Variants in GRM7 observed in about 807,000 individuals in gnomAD.
GRM7 encodes the protein glutamate metabotropic receptor 7.
A neutral mutation model predicts 84.5 loss-of-function variants in GRM7; 35 were observed. The ratio of observed to expected loss-of-function variants is 0.41; its 90% CI spans 0.32 to 0.55. The LOEUF is 0.55. Ranked by LOEUF, GRM7 falls within the 20% of genes least tolerant of loss-of-function variation. GRM7 has a pLI of 0.19. For missense variants in GRM7, 1,003 were observed against 1,194.6 expected (o/e 0.84, Z 2.36); for synonymous variants, 487 against 455.1 (o/e 1.07, Z -0.89).
chr3:7,714,542 C>T (rs1452270841), intron 9 of GRM7, among the ~76,000 whole-genome samples: 1 of 152,162 alleles, frequency 6.6e-6, no homozygotes, highest in African/African-American at 2.4e-5. Context: ...ACTTAGGTTC[C>T]ATTGCAGATT....
At chr3:7,043,876 C>A (rs1442856327) in intron 1 of GRM7, among the ~76,000 whole-genome samples, 1 of 152,184 alleles carries the variant, frequency 6.6e-6, no homozygotes, top group Non-Finnish European at 1.5e-5. Context: ...AGAGGAGTCT[C>A]ACTGTGTTGC....
chr3:7,618,753 T>A (rs1697228137), intron 8 of GRM7, among the ~76,000 whole-genome samples: 1 of 152,094 alleles, frequency 6.6e-6, no homozygotes, highest in Non-Finnish European at 1.5e-5. Flanking sequence ...GCTCACTCCT[T>A]TAGGAGAACA....
chr3:7,132,451 A>G (rs1230965955), intron 1 of GRM7, among the ~76,000 whole-genome samples: 1 of 152,190 alleles, frequency 6.6e-6, no homozygotes, highest in African/African-American at 2.4e-5. Flanking sequence ...AAAAAAAGTC[A>G]TATGCTACTG....
intron 4 of GRM7, among the ~76,000 whole-genome samples, chr3:7,387,053 A>G (rs1329355068): frequency 6.6e-6 from 1 of 152,128 alleles, no homozygotes; most frequent in Non-Finnish European, 1.5e-5. Flanking sequence ...TTTATTGGCC[A>G]TGTTTATGTC....
chr3:7,083,840 G>A (rs1198122029), intron 1 of GRM7, among the ~76,000 whole-genome samples: 1 of 152,134 alleles, frequency 6.6e-6, no homozygotes, highest in East Asian at 1.9e-4. Flanking sequence ...ACTTGAGCAT[G>A]CTGAGGTAAT....
chr3:7,038,149 G>A (rs984345941), intron 1 of GRM7, among the ~76,000 whole-genome samples: 1 of 152,256 alleles, frequency 6.6e-6, no homozygotes, highest in East Asian at 1.9e-4. Context: ...CAACCTCAGC[G>A]ACAAAGCTGA....
chr3:7,593,434 A>G (rs1695886917), intron 8 of GRM7, among the ~76,000 whole-genome samples: 1 of 152,214 alleles, frequency 6.6e-6, no homozygotes. Context: ...TGGAAATCAC[A>G]TTCTATTGAA....
intron 2 of GRM7, among the ~76,000 whole-genome samples, chr3:7,179,947 C>T (rs201088679): frequency 8.5e-5 from 13 of 152,126 alleles, no homozygotes; most frequent in African/African-American, 2.7e-4. Context: ...CTTCCATTAG[C>T]GTATCAGTGA....
intron 5 of GRM7, among the ~76,000 whole-genome samples, chr3:7,434,517 T>A (rs1696962532): frequency 6.6e-6 from 1 of 152,210 alleles, no homozygotes; most frequent in Non-Finnish European, 1.5e-5. Flanking sequence ...GTCAAATGGA[T>A]GAATGTGTCA....
chr3:7,487,250 A>G (rs779731), intron 7 of GRM7, among the ~76,000 whole-genome samples: 33,893 of 152,080 alleles, frequency 0.22, 4,246 homozygotes, highest in Non-Finnish European at 0.27. Context: ...TTAAAGACAA[A>G]GTTTATAATT....
intron 4 of GRM7, among the ~76,000 whole-genome samples, chr3:7,352,725 T>C (rs1693215973): frequency 6.6e-6 from 1 of 152,140 alleles, no homozygotes; most frequent in South Asian, 2.1e-4. Context: ...TGAGTCGTTT[T>C]TGCCTGGGGA....
intron 8 of GRM7, 51 bp from the exon 9 acceptor site, chr3:7,679,998 C>T (rs779485229): frequency 5.7e-6 from 9 of 1,585,036 alleles, no homozygotes; most frequent in Non-Finnish European, 7.8e-6. Context: ...GTTCAGACCC[C>T]TACTGCAGTC....
In GRM7 at chr3:6,952,885, C is replaced by T. The variant is rs570198901; in HGVS notation, c.519+90978C>T. On this transcript the variant is annotated intron_variant, in intron 1 of 9. Coordinates refer to ENST00000357716, the MANE Select transcript of GRM7 (RefSeq NM_000844.4). ...CAACATCCTCGTGGTTAAAATGAAA[C>T]TTTAGGTTTCCCTGTGGATTTTTCT... 2.7e-4 allele frequency among the ~76,000 whole-genome samples: 41 copies of T among 152,282 alleles called. 1 individual carries two copies. The highest frequency in any genetic ancestry group is 7.8e-4 in the Admixed American group (12 of 15,300).
Position 7,097,213 on chromosome 3 carries a change from C to T in GRM7, c.520-49239C>T, listed in dbSNP as rs79045074. On this transcript the variant is annotated intron_variant, in intron 1 of 9. Coordinates refer to ENST00000357716, the MANE Select transcript of GRM7 (RefSeq NM_000844.4). ...CCCAGATGGGGAGCCCTGTCCCTGT[C>T]ACTACTTAAATTGATAATCTAGGTG... Among the ~76,000 whole-genome samples the T allele has an allele frequency of 9.5e-3, 1,446 of 152,142 alleles. 18 individuals are homozygous for T. Among genetic ancestry groups the T allele is most frequent in the African/African-American group, 0.033 (1,354 of 41,510 alleles).
intron 2 of GRM7, among the ~76,000 whole-genome samples, chr3:7,227,079 T>C (rs1697007055): frequency 6.6e-6 from 1 of 152,208 alleles, no homozygotes; most frequent in Admixed American, 6.5e-5. Flanking sequence ...TTGTAATTTT[T>C]ATTTAAATTA....
intron 1 of GRM7, among the ~76,000 whole-genome samples, chr3:7,109,050 A>G (rs1445186501): frequency 1.3e-5 from 2 of 152,096 alleles, no homozygotes; most frequent in Non-Finnish European, 2.9e-5. Flanking sequence ...ATCTGAGTAA[A>G]TAGAATCCTC....
intron 8 of GRM7, among the ~76,000 whole-genome samples, chr3:7,586,996 T>C (rs1695549087): frequency 6.6e-6 from 1 of 152,202 alleles, no homozygotes; most frequent in African/African-American, 2.4e-5. Flanking sequence ...AGGGAAGGGC[T>C]GAAGAATTAC....
chr3:7,386,286 T>C (rs55751130), intron 4 of GRM7, among the ~76,000 whole-genome samples: 1 of 152,174 alleles, frequency 6.6e-6, no homozygotes, highest in South Asian at 2.1e-4. Flanking sequence ...TTTTAAAAAA[T>C]TTTAGATTCG....
chr3:7,050,334 C>A (rs17234886), intron 1 of GRM7, among the ~76,000 whole-genome samples: 2 of 151,744 alleles, frequency 1.3e-5, no homozygotes, highest in South Asian at 4.1e-4. Flanking sequence ...GTGTCAACTT[C>A]ATAAACACCC....
Sources: gnomAD v4.1 joint callset for allele counts (sites outside exome capture counted in the v4.1 genomes callset) on GRCh38, gnomAD v4.1.1 for gene constraint, MANE v1.5 for transcripts, NCBI Gene and HGNC (gene_info 2026-07-23, HGNC 2026-07-21) for gene names.